The following ARHGAP35 variants were observed in gnomAD, a reference collection of about 807,000 sequenced individuals.
ARHGAP35 encodes the protein rho GTPase-activating protein 35.
ARHGAP35 carries 15 observed loss-of-function variants against 111.1 expected under a neutral mutation model. The observed-to-expected ratio is 0.13, with a 90% CI of 0.09 to 0.21. ARHGAP35 has a LOEUF of 0.21. ARHGAP35 is among the 10% of genes least tolerant of loss of function. ARHGAP35 has a pLI of 1.00. For missense variants in ARHGAP35, 1,262 were observed against 1,873.0 expected (o/e 0.67, Z 6.02); for synonymous variants, 643 against 710.3 (o/e 0.91, Z 1.51).
chr19:46,937,162 A>C, intron 2 of ARHGAP35, 102 bp from the exon 3 acceptor site: 1 of 1,364,176 alleles, frequency 7.3e-7, no homozygotes, highest in Non-Finnish European at 1.0e-6. Flanking sequence ...TCTTTCTAGC[A>C]GTTTTTATAC....
intron 1 of ARHGAP35, among the ~76,000 whole-genome samples, chr19:46,888,445 G>A (rs965980983): frequency 4.7e-5 from 7 of 148,478 alleles, no homozygotes; most frequent in African/African-American, 9.9e-5. Context: ...CTTGGGTAAC[G>A]GTGGCTGTGG....
At chr19:46,984,958 C>T (rs2056641228) in intron 3 of ARHGAP35, among the ~76,000 whole-genome samples, 1 of 152,200 alleles carries the variant, frequency 6.6e-6, no homozygotes, top group Admixed American at 6.5e-5. Context: ...TCTTCTGCAG[C>T]TCGGAGACTG....
Position 46,920,571 on chromosome 19 carries a change from G to C in ARHGAP35, c.1896G>C (p.Met632Ile). ...NDDKYVIDGK[M>I]YELSLRPIEG... ...ACAAGTATGTGATAGATGGTAAAAT[G>C]TATGAGCTTTCCCTGAGGCCAATAG... Residue 632 changes from methionine (M) to isoleucine (I), a missense_variant, in exon 2 of 7, where the codon ATG becomes ATC. Transcript: ENST00000672722. The surrounding 1 kb of genome is among the most constrained non-coding windows in gnomAD (Gnocchi z 7.0). The C allele has an allele frequency of 6.2e-7, 1 of 1,614,030 alleles. No individual in the cohort carries two copies. Among genetic ancestry groups the C allele is most frequent in the Non-Finnish European group, 8.5e-7 (1 of 1,179,882 alleles).
chr19:46,976,111 G>A (rs1222247434), intron 3 of ARHGAP35, among the ~76,000 whole-genome samples: 1 of 151,932 alleles, frequency 6.6e-6, no homozygotes. Context: ...TTTTATGGGG[G>A]CTGTCTGTTA....
rs2056652026 is a variant in ARHGAP35, at chr19:46,986,685, C to T, written c.3827-1304C>T. ...GATATAATTACTTAATATTCATAGACTTTCTCAAGTTCAAAATAAGAACAC... is the reference window on the plus strand; with the variant it reads ...GATATAATTACTTAATATTCATAGATTTTCTCAAGTTCAAAATAAGAACAC... On this transcript the variant is annotated intron_variant, in intron 3 of 6. Coordinates refer to ENST00000672722, the MANE Select transcript of ARHGAP35 (RefSeq NM_004491.5). This position sits in a 1 kb window ranked among gnomAD's most constrained non-coding sequence, Gnocchi z 4.3. Among the ~76,000 whole-genome samples the T allele has an allele frequency of 6.6e-6, 1 of 152,120 alleles. No homozygotes were observed. Among genetic ancestry groups the T allele is most frequent in the African/African-American group, 2.4e-5 (1 of 41,406 alleles).
At chr19:46,956,676 C>G (rs1018828117) in intron 3 of ARHGAP35, among the ~76,000 whole-genome samples, 3 of 152,170 alleles carry the variant, frequency 2.0e-5, no homozygotes, top group Non-Finnish European at 2.9e-5. Context: ...GCTGCTCAGA[C>G]TGTAATACAT....
Position 46,927,367 on chromosome 19 carries a change from G to A in ARHGAP35, c.3681+5011G>A, listed in dbSNP as rs189078106. ...GAATATTACCAGAGGGAAGGTACAG[G>A]ATACTAAGGAATTGTGTAACAAGGA... On this transcript the variant is annotated intron_variant, in intron 2 of 6. Transcript: ENST00000672722. Among the ~76,000 whole-genome samples the A allele has an allele frequency of 2.2e-3, 336 of 152,308 alleles. 1 individual carries two copies. Among genetic ancestry groups the A allele is most frequent in the Non-Finnish European group, 3.4e-3 (230 of 68,030 alleles).
chr19:46,879,241 G>C (rs1276914934), intron 1 of ARHGAP35, among the ~76,000 whole-genome samples: 1 of 152,068 alleles, frequency 6.6e-6, no homozygotes, highest in African/African-American at 2.4e-5. Context: ...CCTCATCTGA[G>C]GTCAGGAGTT....
At chr19:46,974,337 A>G (rs2122300885) in intron 3 of ARHGAP35, among the ~76,000 whole-genome samples, 1 of 152,354 alleles carries the variant, frequency 6.6e-6, no homozygotes. Flanking sequence ...GTGACTAACC[A>G]GAAGTAAGCT....
chr19:46,876,861 A>G (rs2055925651), intron 1 of ARHGAP35, among the ~76,000 whole-genome samples: 1 of 152,192 alleles, frequency 6.6e-6, no homozygotes, highest in Non-Finnish European at 1.5e-5. Flanking sequence ...GGCATAACTC[A>G]GAGATAGTGT....
intron 1 of ARHGAP35, among the ~76,000 whole-genome samples, chr19:46,917,895 G>T (rs200499246): frequency 6.6e-6 from 1 of 152,012 alleles, no homozygotes; most frequent in African/African-American, 2.4e-5. Flanking sequence ...TGTATTTTTA[G>T]TACAGACGGG....
intron 3 of ARHGAP35, among the ~76,000 whole-genome samples, chr19:46,938,772 C>T (rs1345278536): frequency 6.6e-6 from 1 of 151,902 alleles, no homozygotes; most frequent in Admixed American, 6.6e-5. Flanking sequence ...ATTCTCCTGC[C>T]TCAGCCTCCT....
In ARHGAP35 at chr19:46,987,989, G is replaced by C; in HGVS notation, c.3827G>C (p.Gly1276Ala). 1 of 1,613,762 alleles carries C rather than the reference G, an allele frequency of 6.2e-7. No homozygotes were observed. The highest frequency in any genetic ancestry group is 2.2e-5 in the East Asian group (1 of 44,870). ...ERCIEYIEAT[G>A]LSTEGIYRVS... ...TAAGACCCTGCCTGTTTCTCCTCAG[G>C]ACTGAGCACGGAAGGCATCTACCGG... The change falls in exon 4 of 7, where the codon GGA (glycine) becomes GCA (alanine). Residue 1276 changes from glycine (G) to alanine (A), a missense_variant and splice_region_variant. Transcript: ENST00000672722.
chr19:46,906,993 G>A (rs1021908582), intron 1 of ARHGAP35, among the ~76,000 whole-genome samples: 3 of 152,154 alleles, frequency 2.0e-5, no homozygotes, highest in Non-Finnish European at 2.9e-5. Flanking sequence ...GGCGGCTGAG[G>A]TGAGAGGATC....
In ARHGAP35 at chr19:46,922,820, T is replaced by G. The variant is rs2056211531; in HGVS notation, c.3681+464T>G. 6.6e-6 allele frequency among the ~76,000 whole-genome samples: 1 copy of G among 152,196 alleles called. No individual in the cohort carries two copies. The highest frequency in any genetic ancestry group is 1.5e-5 in the Non-Finnish European group (1 of 68,040). ...CATTTGAGATTGGTGAAGGATTGGA[T>G]GATGATTTGCACACACAAATCAGTG... is the stretch of plus-strand genomic sequence containing the variant. On this transcript the variant is annotated intron_variant, in intron 2 of 6. Coordinates refer to ENST00000672722, the MANE Select transcript of ARHGAP35 (RefSeq NM_004491.5). This position sits in a 1 kb window ranked among gnomAD's most constrained non-coding sequence, Gnocchi z 4.0.
chr19:46,960,598 C>T (rs530410190), intron 3 of ARHGAP35, among the ~76,000 whole-genome samples: 24 of 152,176 alleles, frequency 1.6e-4, no homozygotes, highest in Admixed American at 1.3e-4. Context: ...GCAATGAACA[C>T]GTATTTTGTT....
Position 46,921,360 on chromosome 19 carries a change from C to T in ARHGAP35, c.2685C>T (p.Val895=), listed in dbSNP as rs1164788808. 2.5e-6 allele frequency: 4 copies of T among 1,613,748 alleles called. No individual in the cohort carries two copies. The South Asian group carries it at 3.3e-5, about 13-fold the overall frequency. The part of the protein sequence containing the change: ...LVALTDGAVD[V]LDNDLSREQL... ...CACTCACTGATGGCGCTGTAGATGTCCTGGACAATGACTTAAGTAGGGAAC... is the reference window on the plus strand; with the variant it reads ...CACTCACTGATGGCGCTGTAGATGTTCTGGACAATGACTTAAGTAGGGAAC... The change falls in exon 2 of 7, where the codon GTC becomes GTT. Residue 895 remains valine (V), a synonymous_variant. Coordinates refer to ENST00000672722, the MANE Select transcript of ARHGAP35 (RefSeq NM_004491.5). The surrounding 1 kb of genome is among the most constrained non-coding windows in gnomAD (Gnocchi z 4.3).
At chr19:46,869,502 G>A (rs1055600333) in intron 1 of ARHGAP35, among the ~76,000 whole-genome samples, 1 of 150,570 alleles carries the variant, frequency 6.6e-6, no homozygotes, top group African/African-American at 2.5e-5. Context: ...GTGTGTGTGT[G>A]TGTGTGTATT....
At chr19:46,882,403 A>G (rs894050619) in intron 1 of ARHGAP35, among the ~76,000 whole-genome samples, 1 of 152,148 alleles carries the variant, frequency 6.6e-6, no homozygotes, top group Non-Finnish European at 1.5e-5. Context: ...CTCCCAAAGC[A>G]CTAGGTTTAC....
Sources: gnomAD v4.1 joint callset for allele counts (sites outside exome capture counted in the v4.1 genomes callset) on GRCh38, gnomAD v4.1.1 for gene constraint, Gnocchi (gnomAD v3.1) non-coding constraint, MANE v1.5 for transcripts, NCBI Gene and HGNC (gene_info 2026-07-23, HGNC 2026-07-21) for gene names.